Variants in HSPA12A observed in about 807,000 individuals in gnomAD.
HSPA12A encodes heat shock protein family A (Hsp70) member 12A.
A neutral mutation model predicts 69.2 loss-of-function variants in HSPA12A; 28 were observed. The ratio of observed to expected loss-of-function variants is 0.40; its 90% CI spans 0.30 to 0.55. The LOEUF is 0.55. Among genes scored for constraint, HSPA12A ranks in the 20% least tolerant of loss-of-function variants. The pLI, the probability that HSPA12A is intolerant of heterozygous loss-of-function variation, is 0.38. For missense variants in HSPA12A, 686 were observed against 900.7 expected (o/e 0.76, Z 3.05); for synonymous variants, 345 against 370.5 (o/e 0.93, Z 0.79).
In HSPA12A at chr10:116,781,391, C is replaced by T. The variant is rs541478140; in HGVS notation, c.91+53544G>A. Among the ~76,000 whole-genome samples, 5 of 152,258 alleles carry T rather than the reference C, an allele frequency of 3.3e-5. No individual in the cohort carries two copies. The East Asian group carries it at 9.6e-4, about 29-fold the overall frequency. On this transcript the variant is annotated intron_variant, in intron 2 of 12. Coordinates refer to the HSPA12A transcript ENST00000635765. ...GATGATGATGATGATGAATGCCGCT[C>T]GGTCAGGCCTCAGTGATTTCACCCT...
intron 1 of HSPA12A, among the ~76,000 whole-genome samples, chr10:116,740,456 G>A (rs1485704334): frequency 6.6e-6 from 1 of 152,164 alleles, no homozygotes; most frequent in African/African-American, 2.4e-5. Flanking sequence ...GGGACAGCCC[G>A]CTCTTCAGGT....
intron 6 of HSPA12A, among the ~76,000 whole-genome samples, chr10:116,688,728 G>A (rs773748812): frequency 3.3e-5 from 5 of 152,312 alleles, no homozygotes; most frequent in Non-Finnish European, 5.9e-5. Context: ...AAGAAGCTGC[G>A]TCTCCATGTT....
intron 2 of HSPA12A, among the ~76,000 whole-genome samples, chr10:116,771,512 G>T (rs1844209320): frequency 6.6e-6 from 1 of 152,234 alleles, no homozygotes; most frequent in South Asian, 2.1e-4. Flanking sequence ...AACGAAAGAG[G>T]CCAGGGCAGA....
chr10:116,719,204 A>G (rs1554884136), intron 1 of HSPA12A, among the ~76,000 whole-genome samples: 1 of 152,218 alleles, frequency 6.6e-6, no homozygotes, highest in African/African-American at 2.4e-5. Context: ...AGTCATGGCA[A>G]GCCTCCTCCC....
At chr10:116,740,990 G>C (rs1405025339) in intron 1 of HSPA12A, among the ~76,000 whole-genome samples, 1 of 124,420 alleles carries the variant, frequency 8.0e-6, no homozygotes, top group Non-Finnish European at 1.7e-5. Context: ...AAAAAAAAGA[G>C]TCAATCCAGT....
chr10:116,742,684 GA>G, upstream of HSPA12A: 1 of 839,222 alleles, frequency 1.2e-6, no homozygotes, highest in Non-Finnish European at 1.4e-6. Context: ...GGCCGGCCGG[GA>G]AAGGTCGGGG....
At chr10:116,802,406 A>G (rs1844976965) in intron 2 of HSPA12A, among the ~76,000 whole-genome samples, 1 of 152,146 alleles carries the variant, frequency 6.6e-6, no homozygotes, top group South Asian at 2.1e-4. Context: ...TTTCCCTAAA[A>G]TCTTATCTAT....
chr10:116,739,227 G>A (rs782752971), intron 1 of HSPA12A, among the ~76,000 whole-genome samples: 17 of 152,156 alleles, frequency 1.1e-4, no homozygotes, highest in Admixed American at 3.9e-4. Flanking sequence ...CCTTCCAGCT[G>A]TGCGCTGCTA....
chr10:116,747,753 T>A (rs1314225208), intron 2 of HSPA12A, among the ~76,000 whole-genome samples: 4 of 151,798 alleles, frequency 2.6e-5, no homozygotes, highest in African/African-American at 7.3e-5. Context: ...AATCGCAGCA[T>A]TTGGGGAGGC....
intron 2 of HSPA12A, among the ~76,000 whole-genome samples, chr10:116,774,341 G>T (rs1204913784): frequency 6.6e-6 from 1 of 152,190 alleles, no homozygotes; most frequent in Non-Finnish European, 1.5e-5. Context: ...TTGCCATAGA[G>T]CACTCTGCGA....
At chr10:116,789,514 T>C (rs1844655466) in intron 2 of HSPA12A, among the ~76,000 whole-genome samples, 1 of 152,144 alleles carries the variant, frequency 6.6e-6, no homozygotes, top group South Asian at 2.1e-4. Context: ...GAATTCTGAA[T>C]CCTGAATGTG....
chr10:116,836,768 A>AACACACACAC (rs75862523), intron 1 of HSPA12A, among the ~76,000 whole-genome samples: 85 of 146,604 alleles, frequency 5.8e-4, no homozygotes, highest in African/African-American at 1.8e-3. Context: ...AAACGAACCG[A>AACACACACAC]ACACACACAC....
intron 2 of HSPA12A, among the ~76,000 whole-genome samples, chr10:116,822,064 T>C (rs956993632): frequency 5.3e-5 from 8 of 152,248 alleles, no homozygotes; most frequent in Admixed American, 2.6e-4. Flanking sequence ...TCACTTTGTA[T>C]AGAGCAGTAG....
chr10:116,778,975 T>C (rs1295218769), intron 2 of HSPA12A, among the ~76,000 whole-genome samples: 1 of 152,110 alleles, frequency 6.6e-6, no homozygotes, highest in Non-Finnish European at 1.5e-5. Flanking sequence ...AAGAAGTCCA[T>C]GGCAGAGTGG....
At chr10:116,773,030 A>T (rs1178835177) in intron 2 of HSPA12A, among the ~76,000 whole-genome samples, 1 of 152,162 alleles carries the variant, frequency 6.6e-6, no homozygotes, top group Non-Finnish European at 1.5e-5. Flanking sequence ...GAAGGGGCTC[A>T]TTCAGTCAGG....
At position 116,726,717 on chromosome 10, in the gene HSPA12A, G is replaced by A. The variant is rs150792289; in HGVS notation, c.40+15713C>T. ...CCAGTCTTGGCTTGCTCCGATGAAC[G>A]GCATGGCCCTACTGCCTCCAGGTGT... On this transcript the variant is annotated intron_variant, in intron 1 of 11. Coordinates refer to ENST00000369209, the MANE Select transcript of HSPA12A (RefSeq NM_025015.3). Among the ~76,000 whole-genome samples, 320 of 152,264 alleles carry A rather than the reference G, an allele frequency of 2.1e-3. 1 individual carries two copies. Among genetic ancestry groups the A allele is most frequent in the African/African-American group, 7.4e-3 (306 of 41,550 alleles).
chr10:116,773,657 T>G lies in HSPA12A; in HGVS notation c.91+61278A>C, dbSNP rs1844264876. Among the ~76,000 whole-genome samples the G allele has an allele frequency of 1.3e-5, 2 of 152,254 alleles. 1 individual carries two copies. The highest frequency in any genetic ancestry group is 4.2e-4 in the South Asian group (2 of 4,816). On this transcript the variant is annotated intron_variant, in intron 2 of 12. Coordinates refer to the HSPA12A transcript ENST00000635765. ...TCACAGTGGGGGCCTCAGCCAAGGG[T>G]TGTCAACTGCAGCCTGAGAAAGTCT...
chr10:116,830,086 T>A (rs1048348917), intron 2 of HSPA12A: 5 of 152,216 alleles, frequency 3.3e-5, no homozygotes, highest in Admixed American at 3.3e-4. Flanking sequence ...GTAGGACTTG[T>A]CATCTTCCTA....
intron 2 of HSPA12A, among the ~76,000 whole-genome samples, chr10:116,812,847 G>C (rs1845219583): frequency 1.3e-5 from 2 of 152,196 alleles, no homozygotes; most frequent in African/African-American, 4.8e-5. Flanking sequence ...AGCCTCACAG[G>C]AATGGAGGGA....
Sources: gnomAD v4.1 joint callset for allele counts (sites outside exome capture counted in the v4.1 genomes callset) on GRCh38, gnomAD v4.1.1 for gene constraint, MANE v1.5 for transcripts, NCBI Gene and HGNC (gene_info 2026-07-23, HGNC 2026-07-21) for gene names.